Variants in KNDC1 observed in about 807,000 individuals in gnomAD.
The protein encoded by KNDC1 is kinase non-catalytic C-lobe domain containing 1.
KNDC1 carries 106 observed loss-of-function variants against 172.8 expected under a neutral mutation model. The observed-to-expected ratio is 0.61, with a 90% confidence interval of 0.52 to 0.72. The LOEUF is 0.72. KNDC1 is among the 30% of genes least tolerant of loss of function. The probability of loss-of-function intolerance (pLI) is 0.00; values close to 1 mark genes in which losing one functional copy is unlikely to be tolerated. For missense variants in KNDC1, 2,325 were observed against 2,394.5 expected (o/e 0.97, Z 0.61); for synonymous variants, 1,083 against 1,062.2 (o/e 1.02, Z -0.38).
At position 133,189,820 on chromosome 10, in the gene KNDC1, G is replaced by A. The variant is rs373261389; in HGVS notation, c.1575+7G>A. 1.2e-5 allele frequency: 19 copies of A among 1,611,688 alleles called. No individual in the cohort carries two copies. The highest frequency in any genetic ancestry group is 2.2e-5 in the South Asian group (2 of 90,946). The stretch of plus-strand genomic sequence containing the variant: ...GAGGCTGGTAACTGAAAAGGTACCC[G>A]GGCCCTCCCCACCCTGCCCCAGCCC... On this transcript the variant is annotated splice_region_variant and intron_variant, in intron 9 of 29. Coordinates refer to ENST00000304613, the MANE Select transcript of KNDC1 (RefSeq NM_152643.8).
In KNDC1 at chr10:133,225,348, G is replaced by T; in HGVS notation, c.*458G>T. ...AGCCTGGGTTGGCTGAGCAACGAAG[G>T]GCCAAAGCTGACCTCTGAGTGGCCA... On this transcript the variant is annotated 3_prime_UTR_variant, in exon 30 of 30. Transcript: ENST00000304613. 1 of 195,612 alleles carries T rather than the reference G, an allele frequency of 5.1e-6. No homozygotes were observed. Among genetic ancestry groups the T allele is most frequent in the Non-Finnish European group, 1.1e-5 (1 of 95,202 alleles). The allele number at this position is 195,612 out of a possible 1,614,324, so 12.1% of individuals were successfully genotyped here.
rs1175090221 is a variant in KNDC1, at chr10:133,197,756, G to A, written c.1894G>A (p.Glu632Lys). Reference sequence around the variant, plus strand: ...GAAGCCCAGTGTGGCACCAGCCCCAGAGCCCAGCCCAGGTGGGGACCTGAC... The same window carrying A: ...GAAGCCCAGTGTGGCACCAGCCCCAAAGCCCAGCCCAGGTGGGGACCTGAC... ...ELKPSVAPAP[E>K]PSPGFLPVNS... Residue 632 changes from glutamate to lysine, a missense_variant, in exon 12 of 30, where the codon GAG (glutamate) becomes AAG (lysine). Physicochemically the swap from Glu to Lys is moderately conservative, Grantham distance 56. Coordinates refer to ENST00000304613, the MANE Select transcript of KNDC1 (RefSeq NM_152643.8). 5.6e-6 allele frequency: 9 copies of A among 1,612,132 alleles called. No individual in the cohort carries two copies. Among genetic ancestry groups the A allele is most frequent in the African/African-American group, 2.7e-5 (2 of 75,036 alleles).
intron 6 of KNDC1, among the ~76,000 whole-genome samples, chr10:133,187,854 C>T (rs913763503): frequency 6.6e-6 from 1 of 152,108 alleles, no homozygotes; most frequent in African/African-American, 2.4e-5. Flanking sequence ...GCACAGCTGT[C>T]CCCATCAGCC....
chr10:133,191,910 G>A (rs1022448242), intron 9 of KNDC1, among the ~76,000 whole-genome samples: 3 of 152,202 alleles, frequency 2.0e-5, no homozygotes, highest in Admixed American at 1.3e-4. Context: ...GGCCCCAGGT[G>A]GCCTCAAAGA....
intron 3 of KNDC1, chr10:133,178,877 C>T (rs1032712480): frequency 6.6e-6 from 1 of 152,196 alleles, no homozygotes; most frequent in Admixed American, 6.5e-5. Context: ...CCACAGTAGT[C>T]CTCACCTTGG....
At chr10:133,187,310 TG>T (rs1475210859) in intron 6 of KNDC1, among the ~76,000 whole-genome samples, 1 of 152,236 alleles carries the variant, frequency 6.6e-6, no homozygotes, top group Non-Finnish European at 1.5e-5. Context: ...GCCAGTGTTC[TG>T]GGGGGCCTGG....
In KNDC1 at chr10:133,175,003, G is replaced by A. The variant is rs564974089; in HGVS notation, c.360+6691G>A. Among the ~76,000 whole-genome samples, 238 of 151,084 alleles carry A rather than the reference G, an allele frequency of 1.6e-3. 1 individual carries two copies. The highest frequency in any genetic ancestry group is 4.5e-3 in the African/African-American group (184 of 41,146). ...GGGTGGATGGGTGGATGGTGGATAT[G>A]TGAATGGATGGGTGGGTGGAAAGAT... On this transcript the variant is annotated intron_variant, in intron 3 of 29. Transcript: ENST00000304613.
At chr10:133,192,021 A>G (rs1479469408) in intron 9 of KNDC1, among the ~76,000 whole-genome samples, 1 of 152,264 alleles carries the variant, frequency 6.6e-6, no homozygotes, top group Non-Finnish European at 1.5e-5. Flanking sequence ...AGCAAGTGGA[A>G]ACACATCCCA....
chr10:133,178,522 C>T (rs947862293), intron 3 of KNDC1, among the ~76,000 whole-genome samples: 1 of 152,226 alleles, frequency 6.6e-6, no homozygotes, highest in African/African-American at 2.4e-5. Context: ...GCCTCGGCCA[C>T]GCTCGGAAAC....
chr10:133,210,451 G>A (rs544255979), intron 20 of KNDC1, among the ~76,000 whole-genome samples, 160 bp from the exon 21 acceptor site: 98 of 150,584 alleles, frequency 6.5e-4, no homozygotes, highest in Non-Finnish European at 1.3e-3. Context: ...AAATTTGAGG[G>A]TTATCCATGT....
chr10:133,197,236 C>G, intron 11 of KNDC1, 101 bp downstream of exon 11: 3 of 908,162 alleles, frequency 3.3e-6, no homozygotes, highest in Non-Finnish European at 5.2e-6. Flanking sequence ...AGCCCCACAC[C>G]CCGGTCTCTG....
rs114627914 is a variant in KNDC1, at chr10:133,170,659, G to A, written c.360+2347G>A. On this transcript the variant is annotated intron_variant, in intron 3 of 29. Transcript: ENST00000304613. The stretch of plus-strand genomic sequence containing the variant: ...TCATTTAAAAATCACAATACCCATT[G>A]CATGTTAACATACATAACATTTTTA... Among the ~76,000 whole-genome samples, 762 of 152,290 alleles carry A rather than the reference G, an allele frequency of 5.0e-3. 11 individuals carry two copies. The highest frequency in any genetic ancestry group is 0.018 in the African/African-American group (741 of 41,556).
rs370972698 is a variant in KNDC1 at position 133,183,863 on chromosome 10, C to G, written c.508-9C>G. The G allele has an allele frequency of 6.4e-7, 1 of 1,560,202 alleles. No individual in the cohort carries two copies. Among genetic ancestry groups the G allele is most frequent in the South Asian group, 1.2e-5 (1 of 86,408 alleles). ...CGAGCCTTCCTGTCTGAGGTGTTCC[C>G]GTCCCCAGAGCATCATCGCGCTGTG... is the stretch of plus-strand genomic sequence containing the variant. On this transcript the variant is annotated splice_polypyrimidine_tract_variant and intron_variant, in intron 4 of 29. Coordinates refer to ENST00000304613, the MANE Select transcript of KNDC1 (RefSeq NM_152643.8).
chr10:133,163,482 C>T lies in KNDC1; in HGVS notation c.102+2913C>T, dbSNP rs905792405. 6.6e-6 allele frequency among the ~76,000 whole-genome samples: 1 copy of T among 152,116 alleles called. No homozygotes were observed. The highest frequency in any genetic ancestry group is 1.5e-5 in the Non-Finnish European group (1 of 68,016). ...CAGGATGAGCTCAGAGCAGAAGGCACCTCGGGAGCAGAGGTGGTTTTGTGG... is the reference window on the plus strand; with the variant it reads ...CAGGATGAGCTCAGAGCAGAAGGCATCTCGGGAGCAGAGGTGGTTTTGTGG... On this transcript the variant is annotated intron_variant, in intron 1 of 29. Transcript: ENST00000304613. The surrounding 1 kb of genome is among the most constrained non-coding windows in gnomAD (Gnocchi z 4.4).
intron 6 of KNDC1, 80 bp downstream of exon 6, chr10:133,186,754 C>T (rs760794428): frequency 3.5e-5 from 35 of 988,640 alleles, no homozygotes; most frequent in Non-Finnish European, 4.4e-5. Context: ...CAGATGCAAA[C>T]GCTTTGTTTA....
intron 9 of KNDC1, among the ~76,000 whole-genome samples, chr10:133,191,782 C>A (rs1261599521): frequency 6.6e-6 from 1 of 152,184 alleles, no homozygotes; most frequent in Non-Finnish European, 1.5e-5. Flanking sequence ...GCATTTACAC[C>A]CCCTGCTCTG....
chr10:133,200,368 T>TCGTCAG lies in KNDC1; in HGVS notation c.2904-5_2904dup. The TCGTCAG allele has an allele frequency of 3.2e-6, 5 of 1,580,924 alleles. No homozygotes were observed. Among genetic ancestry groups the TCGTCAG allele is most frequent in the Non-Finnish European group, 4.3e-6 (5 of 1,164,766 alleles). On this transcript the variant is annotated splice_polypyrimidine_tract_variant and splice_region_variant and intron_variant, in intron 15 of 29. Coordinates refer to ENST00000304613, the MANE Select transcript of KNDC1 (RefSeq NM_152643.8). ...AGGTGGGGACTGACCTGCATTCTCG[T>TCGTCAG]CGTCAGCACGGCCGAGGAGGCTGGG...
rs1263229189 is a variant in KNDC1, at chr10:133,209,811, G to T, written c.3795-800G>T. On this transcript the variant is annotated intron_variant, in intron 20 of 29. Transcript: ENST00000304613. This position sits in a 1 kb window ranked among gnomAD's most constrained non-coding sequence, Gnocchi z 4.9. Reference sequence around the variant, plus strand: ...ACCAGGCCCCTTGTTCCAGGGCCACGCCATCTCCTGCCTGAGACTCCTCCA... The same window carrying T: ...ACCAGGCCCCTTGTTCCAGGGCCACTCCATCTCCTGCCTGAGACTCCTCCA... Among the ~76,000 whole-genome samples the T allele has an allele frequency of 6.6e-6, 1 of 151,966 alleles. No homozygotes were observed. The highest frequency in any genetic ancestry group is 1.5e-5 in the Non-Finnish European group (1 of 67,972).
intron 1 of KNDC1, among the ~76,000 whole-genome samples, chr10:133,166,249 T>G (rs1328595942): frequency 6.6e-6 from 1 of 152,072 alleles, no homozygotes; most frequent in Non-Finnish European, 1.5e-5. Context: ...GGCCTCTGCC[T>G]CCTCCTCACG....
Sources: allele counts gnomAD v4.1 joint callset (sites outside exome capture counted in the v4.1 genomes callset), GRCh38; gene constraint gnomAD v4.1.1; non-coding constraint Gnocchi (gnomAD v3.1); transcripts MANE v1.5; gene names NCBI Gene and HGNC (gene_info 2026-07-23, HGNC 2026-07-21).